CBLB: variants seen among roughly 807,000 people sequenced by gnomAD.
The protein encoded by CBLB is E3 ubiquitin-protein ligase CBL-B.
A neutral mutation model predicts 104.9 loss-of-function variants in CBLB; 31 were observed. The ratio of observed to expected loss-of-function variants is 0.30; its 90% CI spans 0.22 to 0.40. The LOEUF (loss-of-function observed/expected upper bound fraction) is 0.40, where lower values mean the gene tolerates loss of function less well. Among genes scored for constraint, CBLB ranks in the 10% least tolerant of loss-of-function variants. The probability of loss-of-function intolerance (pLI) is 1.00; values close to 1 mark genes in which losing one functional copy is unlikely to be tolerated. For missense variants in CBLB, 1,062 were observed against 1,214.6 expected (o/e 0.87, Z 1.87); for synonymous variants, 440 against 422.6 (o/e 1.04, Z -0.51).
intron 12 of CBLB, among the ~76,000 whole-genome samples, chr3:105,695,046 T>C (rs766425757): frequency 2.6e-5 from 4 of 151,904 alleles, no homozygotes; most frequent in African/African-American, 7.2e-5. Flanking sequence ...TTGGAAGTCA[T>C]TCTTCATTGG....
rs545188930 is a variant in CBLB at position 105,715,995 on chromosome 3, T to G, written c.1407+4052A>C. Among the ~76,000 whole-genome samples the G allele has an allele frequency of 5.3e-5, 8 of 152,226 alleles. No homozygotes were observed. The South Asian group carries it at 1.5e-3, about 28-fold the overall frequency. On this transcript the variant is annotated intron_variant, in intron 10 of 18. Coordinates refer to ENST00000394030, the MANE Select transcript of CBLB (RefSeq NM_170662.5). ...CAGAGGTTGCAGTGAACCAAGATAG[T>G]GCCACTGCAGTCCAGCCTGGGCAAC...
At chr3:105,843,575 T>C (rs1223105855) in intron 3 of CBLB, among the ~76,000 whole-genome samples, 1 of 152,182 alleles carries the variant, frequency 6.6e-6, no homozygotes, top group Non-Finnish European at 1.5e-5. Context: ...GATGGCACTT[T>C]ATACATTAAA....
Position 105,808,140 on chromosome 3 carries a change from C to G in CBLB, c.420-31598G>C, listed in dbSNP as rs186212580. Among the ~76,000 whole-genome samples, 6 of 152,184 alleles carry G rather than the reference C, an allele frequency of 3.9e-5. No individual in the cohort carries two copies. In the East Asian group the frequency reaches 1.2e-3, roughly 29 times the overall value. On this transcript the variant is annotated intron_variant, in intron 3 of 18. Coordinates refer to ENST00000394030, the MANE Select transcript of CBLB (RefSeq NM_170662.5). The stretch of plus-strand genomic sequence containing the variant: ...TGTCTTCAACTGAGCCTTATAAAAC[C>G]AAGATGAAAAGTATCTTCCATATAA...
intron 11 of CBLB, among the ~76,000 whole-genome samples, chr3:105,702,849 T>C (rs2069442991): frequency 6.6e-6 from 1 of 152,202 alleles, no homozygotes; most frequent in Admixed American, 6.5e-5. Flanking sequence ...TTTCAGTTTT[T>C]TTAAAGAGTA....
chr3:105,703,343 C>T (rs2069548290), intron 11 of CBLB, among the ~76,000 whole-genome samples: 1 of 152,086 alleles, frequency 6.6e-6, no homozygotes, highest in Non-Finnish European at 1.5e-5. Flanking sequence ...AAATTTTAGA[C>T]AACAGAGCAT....
At chr3:105,844,620 T>A (rs1490391570) in intron 3 of CBLB, among the ~76,000 whole-genome samples, 1 of 152,138 alleles carries the variant, frequency 6.6e-6, no homozygotes, top group Non-Finnish European at 1.5e-5. Context: ...GCTCAAACAA[T>A]AAATCTGAAG....
intron 2 of CBLB, among the ~76,000 whole-genome samples, chr3:105,856,655 T>C (rs1214777120): frequency 6.6e-6 from 1 of 152,104 alleles, no homozygotes; most frequent in Non-Finnish European, 1.5e-5. Context: ...CTCTAAAGTA[T>C]CAAGTATTCA....
chr3:105,666,918 A>T (rs531589473), intron 18 of CBLB, among the ~76,000 whole-genome samples: 4 of 152,204 alleles, frequency 2.6e-5, no homozygotes, highest in Non-Finnish European at 5.9e-5. Flanking sequence ...TCCTTTGTTG[A>T]AACACAAAAT....
chr3:105,817,320 G>A (rs1235354824), intron 3 of CBLB, among the ~76,000 whole-genome samples: 1 of 152,074 alleles, frequency 6.6e-6, no homozygotes, highest in African/African-American at 2.4e-5. Flanking sequence ...GCAAGAACAG[G>A]GGACAAGGAG....
chr3:105,722,198 CAAAAAAA>C (rs5851468), intron 9 of CBLB, among the ~76,000 whole-genome samples: 1 of 84,418 alleles, frequency 1.2e-5, no homozygotes, highest in African/African-American at 4.7e-5. Context: ...GACCCCGTGC[CAAAAAAA>C]AAAAAAAAAA....
rs1406716580 is a variant in CBLB at position 105,797,982 on chromosome 3, A to C, written c.420-21440T>G. 1.3e-5 allele frequency among the ~76,000 whole-genome samples: 2 copies of C among 152,240 alleles called. 1 individual carries two copies. The highest frequency in any genetic ancestry group is 2.9e-5 in the Non-Finnish European group (2 of 68,036). On this transcript the variant is annotated intron_variant, in intron 3 of 18. Transcript: ENST00000394030. The stretch of plus-strand genomic sequence containing the variant: ...GGTAGAAGCACTGCAAGGGCCAGTC[A>C]CTGAGCTGTGCTCAGGAGCCATATG...
intron 4 of CBLB, among the ~76,000 whole-genome samples, chr3:105,765,212 A>G (rs189117521): frequency 1.5e-3 from 225 of 152,324 alleles, no homozygotes; most frequent in Non-Finnish European, 2.7e-3. Context: ...TGCTAGGGCT[A>G]GGGAGAAGTC....
intron 12 of CBLB, among the ~76,000 whole-genome samples, chr3:105,699,027 T>A (rs1049475340): frequency 1.3e-5 from 2 of 152,068 alleles, no homozygotes; most frequent in Admixed American, 6.6e-5. Flanking sequence ...CTGCCCACAC[T>A]CAAACCCAAG....
intron 10 of CBLB, among the ~76,000 whole-genome samples, chr3:105,719,458 T>C (rs1225263192): frequency 6.6e-6 from 1 of 152,188 alleles, no homozygotes; most frequent in African/African-American, 2.4e-5. Context: ...ATGGACCACA[T>C]ACATCATGGT....
chr3:105,719,863 G>C lies in CBLB; in HGVS notation c.1407+184C>G, dbSNP rs141901010. Among the ~76,000 whole-genome samples, 241 of 152,224 alleles carry C rather than the reference G, an allele frequency of 1.6e-3. 1 individual carries two copies. The highest frequency in any genetic ancestry group is 4.5e-3 in the African/African-American group (187 of 41,544). On this transcript the variant is annotated intron_variant, in intron 10 of 18. Coordinates refer to ENST00000394030, the MANE Select transcript of CBLB (RefSeq NM_170662.5). ...TACTGCCCCTGAAGACCTTCCAGTG[G>C]GACAAGATGTGGAGGTAGAAGACAG...
intron 4 of CBLB, among the ~76,000 whole-genome samples, chr3:105,764,409 T>C (rs1560138696): frequency 6.6e-6 from 1 of 152,168 alleles, no homozygotes. Context: ...ATTGTTGCCA[T>C]CATTCCCAGT....
intron 3 of CBLB, among the ~76,000 whole-genome samples, chr3:105,830,461 A>C (rs932854509): frequency 6.6e-6 from 1 of 152,218 alleles, no homozygotes; most frequent in Non-Finnish European, 1.5e-5. Flanking sequence ...ATACAGAATC[A>C]ATCTTATAAA....
intron 16 of CBLB, among the ~76,000 whole-genome samples, chr3:105,680,279 T>C (rs780830512): frequency 5.9e-5 from 9 of 152,000 alleles, no homozygotes; most frequent in African/African-American, 9.7e-5. Context: ...ATGACACGCA[T>C]AAGAAGACCT....
chr3:105,739,030 C>T (rs2075260616), intron 7 of CBLB, among the ~76,000 whole-genome samples: 1 of 152,118 alleles, frequency 6.6e-6, no homozygotes, highest in South Asian at 2.1e-4. Flanking sequence ...ATCTTAGCCT[C>T]CAGAGTAGCG....
Sources: gnomAD v4.1 joint callset for allele counts (sites outside exome capture counted in the v4.1 genomes callset) on GRCh38, gnomAD v4.1.1 for gene constraint, MANE v1.5 for transcripts, NCBI Gene and HGNC (gene_info 2026-07-23, HGNC 2026-07-21) for gene names.